The following MPPED2 variants were observed in gnomAD, a reference collection of about 807,000 sequenced individuals.
MPPED2 encodes metallophosphoesterase MPPED2.
Under a neutral mutation model 33.0 loss-of-function variants are expected in MPPED2, and 5 were observed. The ratio of observed to expected loss-of-function variants is 0.15; its 90% confidence interval spans 0.08 to 0.32. The LOEUF is 0.32. MPPED2 is among the 10% of genes least tolerant of loss of function. MPPED2 has a pLI of 1.00. For missense variants in MPPED2, 275 were observed against 372.1 expected (o/e 0.74, Z 2.15); for synonymous variants, 136 against 141.9 (o/e 0.96, Z 0.29).
chr11:30,524,168 G>A (rs1470253592), intron 3 of MPPED2, among the ~76,000 whole-genome samples: 1 of 152,068 alleles, frequency 6.6e-6, no homozygotes, highest in East Asian at 1.9e-4. Flanking sequence ...CAGGAGAATC[G>A]CTTGAGTCTG....
chr11:30,393,376 C>T (rs1947803306), intron 6 of MPPED2, among the ~76,000 whole-genome samples: 1 of 152,136 alleles, frequency 6.6e-6, no homozygotes, highest in Admixed American at 6.5e-5. Flanking sequence ...TAAAGCATGC[C>T]TCCAACTCAA....
chr11:30,414,543 T>C (rs1231057153), intron 5 of MPPED2, among the ~76,000 whole-genome samples: 2 of 145,532 alleles, frequency 1.4e-5, no homozygotes, highest in Non-Finnish European at 3.1e-5. Context: ...TTTTTTGGTT[T>C]CCATTTTTTT....
At chr11:30,428,910 T>C (rs907260106) in intron 4 of MPPED2, 9 of 152,202 alleles carry the variant, frequency 5.9e-5, no homozygotes, top group Non-Finnish European at 1.5e-5. Flanking sequence ...TTTTGTTCCC[T>C]AACTTATCTT....
chr11:30,581,560 T>C lies in MPPED2; in HGVS notation c.-121-1066A>G, dbSNP rs551993852. 2.0e-5 allele frequency among the ~76,000 whole-genome samples: 3 copies of C among 152,344 alleles called. 1 individual carries two copies. The highest frequency in any genetic ancestry group is 4.1e-4 in the South Asian group (2 of 4,830). ...GCACAACGTCAGAATAGGTTTGCCA[T>C]GTGCACCATTAAGCTCTGAGAATCT... On this transcript the variant is annotated intron_variant, in intron 1 of 6. Transcript: ENST00000358117.
At chr11:30,530,634 A>G (rs1480319457) in intron 3 of MPPED2, among the ~76,000 whole-genome samples, 1 of 152,194 alleles carries the variant, frequency 6.6e-6, no homozygotes, top group Non-Finnish European at 1.5e-5. Flanking sequence ...TGCATTTGAA[A>G]AATGGGAAGA....
At chr11:30,510,217 T>C (rs886472578) in intron 3 of MPPED2, among the ~76,000 whole-genome samples, 15 of 152,144 alleles carry the variant, frequency 9.9e-5, no homozygotes, top group African/African-American at 3.4e-4. Flanking sequence ...AGTTGACTCA[T>C]GGAAAGCATC....
At chr11:30,452,036 T>C in intron 4 of MPPED2, 1 of 985,464 alleles carries the variant, frequency 1.0e-6, no homozygotes, top group Non-Finnish European at 1.2e-6. Context: ...TTTGCCCTTT[T>C]TGTTCACTTA....
Position 30,411,599 on chromosome 11 carries a change from C to A in MPPED2, c.767-13G>T, listed in dbSNP as rs766624066. 2 of 1,605,262 alleles carry A rather than the reference C, an allele frequency of 1.2e-6. No homozygotes were observed. Among genetic ancestry groups the A allele is most frequent in the Middle Eastern group, 1.7e-4 (1 of 6,010 alleles). Reference sequence around the variant, plus strand: ...ATGATGCCATAACCTGTGGGGAGAGCGTGTCACATTTACTGTAATATATAC... The same window carrying A: ...ATGATGCCATAACCTGTGGGGAGAGAGTGTCACATTTACTGTAATATATAC... On this transcript the variant is annotated splice_polypyrimidine_tract_variant and intron_variant, in intron 6 of 6. Coordinates refer to ENST00000358117, the MANE Select transcript of MPPED2 (RefSeq NM_001584.3).
chr11:30,420,611 C>T (rs1948567622), intron 4 of MPPED2, among the ~76,000 whole-genome samples: 1 of 152,154 alleles, frequency 6.6e-6, no homozygotes, highest in Non-Finnish European at 1.5e-5. Flanking sequence ...GGTCAGTCAA[C>T]ACAGCCACAC....
intron 4 of MPPED2, among the ~76,000 whole-genome samples, chr11:30,428,494 C>T (rs1948941339): frequency 6.6e-6 from 1 of 152,148 alleles, no homozygotes; most frequent in African/African-American, 2.4e-5. Context: ...AGCTCTGATA[C>T]ACCACTGCAC....
intron 4 of MPPED2, among the ~76,000 whole-genome samples, chr11:30,423,756 T>A (rs2133804688): frequency 6.6e-6 from 1 of 152,322 alleles, no homozygotes; most frequent in Non-Finnish European, 1.5e-5. Flanking sequence ...TGTACAGCTT[T>A]TAATTTACAT....
chr11:30,409,279 C>T (rs574481827), downstream of MPPED2, among the ~76,000 whole-genome samples: 10 of 152,230 alleles, frequency 6.6e-5, no homozygotes, highest in African/African-American at 2.4e-4. Flanking sequence ...TAGGATGGGG[C>T]TTGAAGTGAA....
intron 3 of MPPED2, among the ~76,000 whole-genome samples, chr11:30,533,260 T>A (rs2134462243): frequency 6.6e-6 from 1 of 152,262 alleles, no homozygotes; most frequent in South Asian, 2.1e-4. Context: ...ATTAGCAACT[T>A]CAGAAGGATG....
At chr11:30,459,675 T>A (rs1033484275) in intron 4 of MPPED2, among the ~76,000 whole-genome samples, 1 of 152,176 alleles carries the variant, frequency 6.6e-6, no homozygotes, top group Non-Finnish European at 1.5e-5. Flanking sequence ...TTCCAAGAAG[T>A]AGAACGAGTT....
chr11:30,490,570 T>C (rs1026352708), intron 4 of MPPED2, among the ~76,000 whole-genome samples: 8 of 152,048 alleles, frequency 5.3e-5, no homozygotes, highest in African/African-American at 1.7e-4. Context: ...ATCCCACTTA[T>C]AACATCTTCA....
At chr11:30,558,177 T>C (rs1004343054) in intron 2 of MPPED2, among the ~76,000 whole-genome samples, 8 of 152,146 alleles carry the variant, frequency 5.3e-5, no homozygotes, top group African/African-American at 9.6e-5. Flanking sequence ...TTTATTATTA[T>C]TATTTTACCT....
chr11:30,430,943 T>C (rs1031832629), intron 4 of MPPED2, among the ~76,000 whole-genome samples: 1 of 152,180 alleles, frequency 6.6e-6, no homozygotes, highest in Admixed American at 6.5e-5. Flanking sequence ...CACCAGGTTC[T>C]GTATTCAGGA....
rs112834968 is a variant in MPPED2, at chr11:30,535,873, C to A, written c.310+121G>T. The A allele has an allele frequency of 1.1e-4, 80 of 720,452 alleles. No homozygotes were observed. In the African/African-American group the frequency reaches 1.2e-3, roughly 11 times the overall value. 44.6% of individuals were successfully genotyped at this position (720,452 alleles called of 1,614,324 possible). On this transcript the variant is annotated intron_variant, in intron 3 of 6. Transcript: ENST00000358117. ...GAATTGGATTAAAGCTAGACACCAC[C>A]GCATATCATACGAGAAATGGCTGAG...
chr11:30,416,441 A>AT lies in MPPED2; in HGVS notation c.652+1076dup, dbSNP rs201169998. ...AAACTTGCATTAGGAAATGAATGTTATTTTTTTTTCTTTTTATTTTTAGGG... is the reference window on the plus strand; with the variant it reads ...AAACTTGCATTAGGAAATGAATGTTATTTTTTTTTTCTTTTTATTTTTAGGG... On this transcript the variant is annotated intron_variant, in intron 5 of 6. Transcript: ENST00000358117. Among the ~76,000 whole-genome samples, 440 of 151,844 alleles carry AT rather than the reference A, an allele frequency of 2.9e-3. 1 individual carries two copies. Among genetic ancestry groups the AT allele is most frequent in the Admixed American group, 7.5e-3 (114 of 15,230 alleles).
Sources: gnomAD v4.1 joint callset for allele counts (sites outside exome capture counted in the v4.1 genomes callset) on GRCh38, gnomAD v4.1.1 for gene constraint, MANE v1.5 for transcripts, NCBI Gene and HGNC (gene_info 2026-07-23, HGNC 2026-07-21) for gene names.